TP53BP1: variants seen among roughly 807,000 people sequenced by gnomAD.
The protein encoded by TP53BP1 is TP53-binding protein 1.
Under a neutral mutation model 200.8 loss-of-function variants are expected in TP53BP1, and 61 were observed. The ratio of observed to expected loss-of-function variants is 0.30; its 90% CI spans 0.25 to 0.38. The LOEUF is 0.38. Among genes scored for constraint, TP53BP1 ranks in the 10% least tolerant of loss-of-function variants. The probability of loss-of-function intolerance (pLI) is 1.00; values close to 1 mark genes in which losing one functional copy is unlikely to be tolerated. For missense variants in TP53BP1, 2,144 were observed against 2,371.9 expected (o/e 0.90, Z 2.00); for synonymous variants, 822 against 844.3 (o/e 0.97, Z 0.46).
intron 16 of TP53BP1, 57 bp downstream of exon 16, chr15:43,438,267 C>T: frequency 1.4e-6 from 2 of 1,479,892 alleles, no homozygotes; most frequent in African/African-American, 1.4e-5. Flanking sequence ...AGGATTTGGG[C>T]ACTAACCATT....
chr15:43,446,749 C>T (rs781302155), intron 13 of TP53BP1, 159 bp from the exon 14 acceptor site: 160 of 1,506,986 alleles, frequency 1.1e-4, no homozygotes, highest in Non-Finnish European at 1.3e-4. Flanking sequence ...TCAACAACTA[C>T]GAACTAGTAT....
At chr15:43,463,780 TG>T (rs1039774364) in intron 11 of TP53BP1, among the ~76,000 whole-genome samples, 4 of 152,136 alleles carry the variant, frequency 2.6e-5, no homozygotes, top group African/African-American at 9.7e-5. Context: ...TCCTCTGCCC[TG>T]GAGAGAGTAA....
chr15:43,496,239 A>C (rs569178529), upstream of TP53BP1, among the ~76,000 whole-genome samples: 53 of 152,338 alleles, frequency 3.5e-4, no homozygotes, highest in Middle Eastern at 6.8e-3. Context: ...CTAATCTTCT[A>C]ACCTAAATCC....
intron 11 of TP53BP1, among the ~76,000 whole-genome samples, chr15:43,463,438 A>G (rs1442098532): frequency 6.6e-6 from 1 of 152,252 alleles, no homozygotes; most frequent in Non-Finnish European, 1.5e-5. Context: ...TACAAAAGAA[A>G]TAACAGATGA....
chr15:43,432,181 T>C lies in TP53BP1; in HGVS notation c.3675+13A>G, dbSNP rs778440103. On this transcript the variant is annotated intron_variant, in intron 17 of 27. Transcript: ENST00000382044. ...AAACAAGGCCTCTGATGCACCCTAGTATGTTCTCTCACCTGGCTATGGAGC... is the reference window on the plus strand; with the variant it reads ...AAACAAGGCCTCTGATGCACCCTAGCATGTTCTCTCACCTGGCTATGGAGC... 2 of 1,611,432 alleles carry C rather than the reference T, an allele frequency of 1.2e-6. No individual in the cohort carries two copies. Among genetic ancestry groups the C allele is most frequent in the African/African-American group, 1.3e-5 (1 of 74,976 alleles).
chr15:43,432,329 C>A lies in TP53BP1; in HGVS notation c.3540G>T (p.Lys1180Asn). The A allele has an allele frequency of 6.2e-7, 1 of 1,614,196 alleles. No individual in the cohort carries two copies. The highest frequency in any genetic ancestry group is 8.5e-7 in the Non-Finnish European group (1 of 1,180,016). ...TACTGGTCCCCTGCTCACACACATT[C>A]TTTATAGTCTGGGTTGCTGCTGAAA... is the stretch of plus-strand genomic sequence containing the variant. The part of the protein sequence containing the change: ...ETVSAATQTI[K>N]NVCEQGTSTV... The change falls in exon 17 of 28, where the codon AAG becomes AAT. Residue 1180 changes from lysine (K) to asparagine (N), a missense_variant. Lys to Asn is a moderately conservative substitution (Grantham distance 94, BLOSUM62 0). This residue lies in a region of TP53BP1 where 1,700 missense variants were observed against 1,710.3 expected (regional missense o/e 0.99). Transcript: ENST00000382044.
chr15:43,407,181 T>C lies in TP53BP1; in HGVS notation c.*202A>G, dbSNP rs965329304. On this transcript the variant is annotated 3_prime_UTR_variant, in exon 28 of 28. Coordinates refer to ENST00000382044, the MANE Select transcript of TP53BP1 (RefSeq NM_001141980.3). ...CTATGTCTTGTCATTTGTTCTGAGATTAAGCTCAAAAAAACAGATGAAGAA... is the reference window on the plus strand; with the variant it reads ...CTATGTCTTGTCATTTGTTCTGAGACTAAGCTCAAAAAAACAGATGAAGAA... 8.9e-6 allele frequency: 5 copies of C among 559,672 alleles called. No individual in the cohort carries two copies. The highest frequency in any genetic ancestry group is 1.9e-5 in the African/African-American group (1 of 53,194). 34.7% of individuals were successfully genotyped at this position (559,672 alleles called of 1,614,324 possible).
At chr15:43,497,386 C>T (rs2079187931), upstream of TP53BP1, 1 of 984,988 alleles carries the variant, frequency 1.0e-6, no homozygotes, top group Non-Finnish European at 1.2e-6. Context: ...CCTCAAAAAA[C>T]AACAACAAAT....
intron 23 of TP53BP1, 93 bp from the exon 24 acceptor site, chr15:43,413,427 C>T: frequency 9.9e-7 from 1 of 1,006,802 alleles, no homozygotes; most frequent in Non-Finnish European, 1.5e-6. Context: ...CAAGCATGAC[C>T]TGATGGGCAG....
At chr15:43,409,921 G>A in intron 24 of TP53BP1, 180 bp from the exon 25 acceptor site, 1 of 388,098 alleles carries the variant, frequency 2.6e-6, no homozygotes, top group Non-Finnish European at 4.6e-6. Flanking sequence ...TTAAAATGCT[G>A]CCAAAAGAAG....
chr15:43,477,481 A>T (rs2078901416), intron 8 of TP53BP1, 112 bp downstream of exon 8: 2 of 1,079,036 alleles, frequency 1.9e-6, no homozygotes. Context: ...TCCATATCAC[A>T]AACAAGTCTG....
At chr15:43,492,741 T>C (rs2079144592) in intron 1 of TP53BP1, among the ~76,000 whole-genome samples, 1 of 150,616 alleles carries the variant, frequency 6.6e-6, no homozygotes, top group Admixed American at 6.6e-5. Context: ...CCTAACCTCT[T>C]CTCTCCCCGC....
At chr15:43,408,859 C>T in intron 26 of TP53BP1, 38 bp downstream of exon 26, 1 of 1,599,210 alleles carries the variant, frequency 6.3e-7, no homozygotes. Flanking sequence ...TTGCTGTCCT[C>T]CTGCCTATAC....
At position 43,407,587 on chromosome 15, in the gene TP53BP1, A is replaced by C. The variant is rs1220992243; in HGVS notation, c.5747-17T>G. 6.3e-7 allele frequency: 1 copy of C among 1,599,064 alleles called. No homozygotes were observed. Among genetic ancestry groups the C allele is most frequent in the Non-Finnish European group, 8.5e-7 (1 of 1,170,870 alleles). ...AAGCAATATCTGCAAGGAGCAAGGGAAAGTGAAGAAGGAAAGGACACTCAA... is the reference window on the plus strand; with the variant it reads ...AAGCAATATCTGCAAGGAGCAAGGGCAAGTGAAGAAGGAAAGGACACTCAA... On this transcript the variant is annotated splice_polypyrimidine_tract_variant and intron_variant, in intron 27 of 27. Transcript: ENST00000382044.
intron 11 of TP53BP1, among the ~76,000 whole-genome samples, chr15:43,459,153 C>T (rs1316334783): frequency 6.6e-6 from 1 of 152,104 alleles, no homozygotes; most frequent in African/African-American, 2.4e-5. Context: ...GCCTGGCCAA[C>T]ATGGTGAAAT....
At chr15:43,481,289 G>C (rs2078961058) in intron 4 of TP53BP1, among the ~76,000 whole-genome samples, 1 of 152,024 alleles carries the variant, frequency 6.6e-6, no homozygotes, top group Admixed American at 6.6e-5. Flanking sequence ...TTGCATTCAG[G>C]AGAATTACTG....
At position 43,404,494 on chromosome 15, in the gene TP53BP1, C is replaced by T. The variant is rs2044790353; in HGVS notation, c.*2889G>A. On this transcript the variant is annotated 3_prime_UTR_variant, in exon 28 of 28. Coordinates refer to ENST00000382044, the MANE Select transcript of TP53BP1 (RefSeq NM_001141980.3). ...TCAGATCAACTCAGATTTGGCTCAA[C>T]TACTGTTACGACTAGATTATAACAA... 2 of 1,614,054 alleles carry T rather than the reference C, an allele frequency of 1.2e-6. No homozygotes were observed. The highest frequency in any genetic ancestry group is 1.7e-6 in the Non-Finnish European group (2 of 1,180,028).
At position 43,428,097 on chromosome 15, in the gene TP53BP1, C is replaced by A. The variant is rs2045590880; in HGVS notation, c.3747G>T (p.Arg1249=). 3 of 1,613,272 alleles carry A rather than the reference C, an allele frequency of 1.9e-6. No individual in the cohort carries two copies. The highest frequency in any genetic ancestry group is 1.7e-6 in the Non-Finnish European group (2 of 1,179,272). The change falls in exon 18 of 28, where the codon CGG becomes CGT. Residue 1249 remains arginine, a synonymous_variant. Transcript: ENST00000382044. The part of the protein sequence containing the change: ...HVLHRHMRTI[R]EVRTLVTRVI... ...CACGAGTGACAAGTGTGCGTACTTC[C>A]CGGATTGTTCTCATGTGACGATGTA...
rs534129086 is a variant in TP53BP1, at chr15:43,465,124, T to G, written c.1389+4734A>C. Among the ~76,000 whole-genome samples, 5 of 152,036 alleles carry G rather than the reference T, an allele frequency of 3.3e-5. No homozygotes were observed. In the South Asian group the frequency reaches 8.3e-4, roughly 25 times the overall value. On this transcript the variant is annotated intron_variant, in intron 11 of 27. Coordinates refer to ENST00000382044, the MANE Select transcript of TP53BP1 (RefSeq NM_001141980.3). ...TTCCATTTATATGAAATGTCCAGAA[T>G]AGGCAAATCTATAGAGACAGAAAGT...
Sources: gnomAD v4.1 joint callset for allele counts (sites outside exome capture counted in the v4.1 genomes callset) on GRCh38, gnomAD v4.1.1 for gene constraint, gnomAD v4.1.1 regional missense constraint, MANE v1.5 for transcripts, NCBI Gene and HGNC (gene_info 2026-07-23, HGNC 2026-07-21) for gene names.